The following CLSTN2 variants were observed in gnomAD, a reference collection of about 807,000 sequenced individuals.
The protein encoded by CLSTN2 is calsyntenin-2.
A neutral mutation model predicts 101.2 loss-of-function variants in CLSTN2; 48 were observed. The ratio of observed to expected loss-of-function variants is 0.47; its 90% confidence interval spans 0.38 to 0.60. The LOEUF is 0.60. CLSTN2 is among the 20% of genes least tolerant of loss of function. The pLI is 0.00. For synonymous variants in CLSTN2, 481 were observed against 463.6 expected (o/e 1.04, Z -0.48); for missense variants, 1,160 against 1,238.2 (o/e 0.94, Z 0.95).
chr3:140,251,765 G>A (rs2086566565), intron 2 of CLSTN2, among the ~76,000 whole-genome samples: 1 of 152,084 alleles, frequency 6.6e-6, no homozygotes, highest in Non-Finnish European at 1.5e-5. Flanking sequence ...TGCCTTCATG[G>A]GGCTCTGTCA....
chr3:140,258,135 T>G (rs2086619238), intron 2 of CLSTN2, among the ~76,000 whole-genome samples: 1 of 152,228 alleles, frequency 6.6e-6, no homozygotes, highest in South Asian at 2.1e-4. Flanking sequence ...ATTTTCTTTT[T>G]TACACATTCT....
At chr3:140,324,631 A>C (rs551712187) in intron 2 of CLSTN2, among the ~76,000 whole-genome samples, 1 of 152,330 alleles carries the variant, frequency 6.6e-6, no homozygotes, top group Admixed American at 6.5e-5. Flanking sequence ...CTTTTTTAAC[A>C]GGGAGAAAAA....
At chr3:140,265,604 A>G (rs917036390) in intron 2 of CLSTN2, among the ~76,000 whole-genome samples, 61 of 152,310 alleles carry the variant, frequency 4.0e-4, no homozygotes, top group African/African-American at 1.4e-3. Flanking sequence ...TGTACTTTCC[A>G]TCAGCATTGA....
In CLSTN2 at chr3:140,058,859, C is replaced by A. The variant is rs747848844; in HGVS notation, c.110-117092C>A. The stretch of plus-strand genomic sequence containing the variant: ...TAGGTGGGAATTGGATGGTGTCCTG[C>A]GAAAGGCAGGAAAGCCAGAGGGAGG... On this transcript the variant is annotated intron_variant, in intron 1 of 16. Coordinates refer to ENST00000458420, the MANE Select transcript of CLSTN2 (RefSeq NM_022131.3). Among the ~76,000 whole-genome samples the A allele has an allele frequency of 4.6e-5, 7 of 150,836 alleles. No homozygotes were observed. The South Asian group carries it at 1.3e-3, about 27-fold the overall frequency.
chr3:140,266,379 T>C (rs1308516280), intron 2 of CLSTN2, among the ~76,000 whole-genome samples: 2 of 152,204 alleles, frequency 1.3e-5, no homozygotes, highest in Non-Finnish European at 2.9e-5. Flanking sequence ...ATTCATATTA[T>C]AAGATAGTAG....
intron 2 of CLSTN2, among the ~76,000 whole-genome samples, chr3:140,206,347 G>T (rs2010782317): frequency 6.6e-6 from 1 of 152,176 alleles, no homozygotes; most frequent in Non-Finnish European, 1.5e-5. Flanking sequence ...GAGCTCCTCA[G>T]CTCAACCTCC....
chr3:140,075,889 T>C (rs1170847783), intron 1 of CLSTN2, among the ~76,000 whole-genome samples: 1 of 152,010 alleles, frequency 6.6e-6, no homozygotes, highest in Admixed American at 6.6e-5. Context: ...CCTGCAGGTA[T>C]CTCTGCAGTT....
In CLSTN2 at chr3:139,993,057, A is replaced by G. The variant is rs138458910; in HGVS notation, c.109+57574A>G. 2.2e-3 allele frequency among the ~76,000 whole-genome samples: 341 copies of G among 152,262 alleles called. 1 individual carries two copies. Among genetic ancestry groups the G allele is most frequent in the Admixed American group, 8.4e-3 (129 of 15,292 alleles). ...ATGAGGAAAGAGGGCTGATTGGTCA[A>G]TGCGTGAGATCTTAATTGTGCCTCA... On this transcript the variant is annotated intron_variant, in intron 1 of 16. Transcript: ENST00000458420.
chr3:140,125,735 G>A (rs529450486), intron 1 of CLSTN2, among the ~76,000 whole-genome samples: 61 of 152,256 alleles, frequency 4.0e-4, no homozygotes, highest in African/African-American at 1.2e-3. Flanking sequence ...CACTGTTTAC[G>A]TGTTCTCCAG....
At chr3:140,225,018 A>G (rs1447897752) in intron 2 of CLSTN2, among the ~76,000 whole-genome samples, 1 of 152,240 alleles carries the variant, frequency 6.6e-6, no homozygotes. Flanking sequence ...CAGCCCTCCA[A>G]CATGTCTATG....
At chr3:140,198,941 C>T (rs549706199) in intron 2 of CLSTN2, among the ~76,000 whole-genome samples, 1 of 152,272 alleles carries the variant, frequency 6.6e-6, no homozygotes, top group East Asian at 1.9e-4. Context: ...CTCTAGTTTA[C>T]CTGCCTGGCT....
At chr3:139,958,860 C>T (rs990805555) in intron 1 of CLSTN2, among the ~76,000 whole-genome samples, 3 of 148,210 alleles carry the variant, frequency 2.0e-5, no homozygotes, top group Admixed American at 6.8e-5. Flanking sequence ...TAATTGATGG[C>T]ATCCTAGATG....
intron 8 of CLSTN2, among the ~76,000 whole-genome samples, chr3:140,510,427 T>A (rs577508846): frequency 6.6e-6 from 1 of 152,330 alleles, no homozygotes; most frequent in African/African-American, 2.4e-5. Flanking sequence ...CAGTGCATAA[T>A]AAAGGTGTGC....
At chr3:139,968,220 A>C (rs1935637786) in intron 1 of CLSTN2, among the ~76,000 whole-genome samples, 1 of 152,170 alleles carries the variant, frequency 6.6e-6, no homozygotes, top group South Asian at 2.1e-4. Context: ...AGAATTCCAG[A>C]GTTCCAAGGA....
At chr3:140,518,117 T>C (rs1934955188) in intron 8 of CLSTN2, among the ~76,000 whole-genome samples, 1 of 152,152 alleles carries the variant, frequency 6.6e-6, no homozygotes. Context: ...AGCTTCCATG[T>C]AGCCCAAAAG....
At chr3:140,190,789 T>G (rs1222418928) in intron 2 of CLSTN2, among the ~76,000 whole-genome samples, 1 of 152,186 alleles carries the variant, frequency 6.6e-6, no homozygotes, top group East Asian at 1.9e-4. Flanking sequence ...GCAACCTTGC[T>G]GAATTTAATA....
At chr3:139,977,861 T>A (rs1935846562) in intron 1 of CLSTN2, among the ~76,000 whole-genome samples, 1 of 152,074 alleles carries the variant, frequency 6.6e-6, no homozygotes, top group Admixed American at 6.6e-5. Context: ...CTGAGAAAAA[T>A]ATAGCTTTGG....
intron 1 of CLSTN2, among the ~76,000 whole-genome samples, chr3:140,156,035 C>A (rs59203053): frequency 0.037 from 5,638 of 152,196 alleles, 224 homozygotes; most frequent in African/African-American, 0.1. Context: ...TGTCCTCCTT[C>A]TTCAGCGTTG....
intron 2 of CLSTN2, among the ~76,000 whole-genome samples, chr3:140,315,118 G>C (rs1190711883): frequency 6.6e-6 from 1 of 152,210 alleles, no homozygotes; most frequent in African/African-American, 2.4e-5. Context: ...CTGCTGATGA[G>C]GGAAGGGAGG....
Sources: allele counts gnomAD v4.1 joint callset (sites outside exome capture counted in the v4.1 genomes callset), GRCh38; gene constraint gnomAD v4.1.1; transcripts MANE v1.5; gene names NCBI Gene and HGNC (gene_info 2026-07-23, HGNC 2026-07-21).